The following ALOX5 variants were observed in gnomAD, a reference collection of about 807,000 sequenced individuals.
ALOX5 encodes arachidonate 5-lipoxygenase, also known as polyunsaturated fatty acid 5-lipoxygenase.
In ALOX5, 64 loss-of-function variants were observed where a neutral mutation model predicts 87.9. That is an observed-to-expected ratio of 0.73 (90% CI 0.60 to 0.90). ALOX5 has a LOEUF of 0.90. Among genes scored for constraint, ALOX5 ranks in the 40% least tolerant of loss-of-function variants. The pLI is 0.00. For synonymous variants in ALOX5, 388 were observed against 355.1 expected, an observed-to-expected ratio of 1.09 and a Z score of -1.04; for missense variants, 822 against 907.5, an observed-to-expected ratio of 0.91 and a Z score of 1.21.
At chr10:45,403,558 C>T (rs755080606) in intron 3 of ALOX5, among the ~76,000 whole-genome samples, 1 of 152,100 alleles carries the variant, frequency 6.6e-6, no homozygotes, top group Non-Finnish European at 1.5e-5. Flanking sequence ...GTGTTTTGTA[C>T]ATTTTTCTGC....
chr10:45,388,110 C>T (rs1840066929), intron 2 of ALOX5, among the ~76,000 whole-genome samples: 1 of 152,222 alleles, frequency 6.6e-6, no homozygotes. Flanking sequence ...TTCCAACAGT[C>T]TTAGCAAACA....
rs1178093991 is a variant in ALOX5 at position 45,440,432 on chromosome 10, C to T, written c.984C>T (p.Leu328=). 6.2e-7 allele frequency: 1 copy of T among 1,614,136 alleles called. No individual in the cohort carries two copies. The highest frequency in any genetic ancestry group is 8.5e-7 in the Non-Finnish European group (1 of 1,179,982). The stretch of plus-strand genomic sequence containing the variant: ...TTTCCTTTCCCCCAATGTATCAGCT[C>T]AACCAAATCCCGGGAGATGAGAACC... ...ANKIVPIAIQ[L]NQIPGDENPI... The change falls in exon 8 of 14, where the codon CTC becomes CTT. Residue 328 remains leucine, a splice_region_variant and synonymous_variant. Coordinates refer to ENST00000374391, the MANE Select transcript of ALOX5 (RefSeq NM_000698.5).
intron 2 of ALOX5, among the ~76,000 whole-genome samples, chr10:45,391,987 TGGG>T (rs531423656): frequency 6.9e-6 from 1 of 145,014 alleles, no homozygotes; most frequent in African/African-American, 2.6e-5. Flanking sequence ...GGGAGGGAGG[TGGG>T]GGGCGGTCAG....
At chr10:45,412,018 G>C (rs1841080986) in intron 3 of ALOX5, among the ~76,000 whole-genome samples, 173 bp from the exon 4 acceptor site, 1 of 152,212 alleles carries the variant, frequency 6.6e-6, no homozygotes, top group Non-Finnish European at 1.5e-5. Flanking sequence ...CTGGACTTTG[G>C]AAGAGGTCCC....
chr10:45,394,532 G>C (rs1840426435), intron 2 of ALOX5, among the ~76,000 whole-genome samples: 2 of 152,160 alleles, frequency 1.3e-5, no homozygotes. Flanking sequence ...TACCATTCAG[G>C]ACATAAGCAT....
In ALOX5 at chr10:45,441,367, C is replaced by T. The variant is rs148091491; in HGVS notation, c.1209C>T (p.Phe403=). ...AGCTGCTGGTGGCACACGTGAGATT[C>T]ACCATTGCAATCAACACCAAGGCCC... The part of the protein sequence containing the change: ...IFKLLVAHVR[F]TIAINTKARE... Residue 403 remains phenylalanine, a synonymous_variant, in exon 9 of 14, where the codon TTC becomes TTT. Coordinates refer to ENST00000374391, the MANE Select transcript of ALOX5 (RefSeq NM_000698.5). 3.1e-6 allele frequency: 5 copies of T among 1,613,704 alleles called. No individual in the cohort carries two copies. The African/African-American group carries it at 5.3e-5, about 17-fold the overall frequency.
intron 2 of ALOX5, among the ~76,000 whole-genome samples, chr10:45,386,300 CAAAA>C (rs56924533): frequency 2.4e-3 from 299 of 124,504 alleles, no homozygotes; most frequent in African/African-American, 7.6e-3. Context: ...GACTCTGTCT[CAAAA>C]AAAAAAAAAA....
At chr10:45,424,000 A>G in intron 4 of ALOX5, 41 bp from the exon 5 acceptor site, 1 of 1,502,696 alleles carries the variant, frequency 6.7e-7, no homozygotes, top group Non-Finnish European at 9.3e-7. Flanking sequence ...AGAGGGAGGC[A>G]TGGCTAGTGT....
intron 4 of ALOX5, among the ~76,000 whole-genome samples, chr10:45,422,905 T>C (rs529751343): frequency 6.6e-6 from 1 of 152,326 alleles, no homozygotes; most frequent in South Asian, 2.1e-4. Flanking sequence ...AGCTTGCAGA[T>C]GTCTCTGTGT....
In ALOX5 at chr10:45,425,664, C is replaced by G. The variant is rs923520093; in HGVS notation, c.834+532C>G. Among the ~76,000 whole-genome samples the G allele has an allele frequency of 6.6e-6, 1 of 152,212 alleles. No homozygotes were observed. ...CCTCACCTGCAGACTCAGCTGCCTC[C>G]GGCTGCAAGGCTGACCTAGTCTTGA... On this transcript the variant is annotated intron_variant, in intron 6 of 13. Coordinates refer to ENST00000374391, the MANE Select transcript of ALOX5 (RefSeq NM_000698.5). The surrounding 1 kb of genome is among the most constrained non-coding windows in gnomAD (Gnocchi z 4.4).
intron 7 of ALOX5, among the ~76,000 whole-genome samples, chr10:45,438,421 T>G (rs1842123897): frequency 6.6e-6 from 1 of 152,140 alleles, no homozygotes; most frequent in South Asian, 2.1e-4. Flanking sequence ...AAGTGAGGAT[T>G]AAGTGAGATA....
In ALOX5 at chr10:45,374,416, T is replaced by TCGAGCGTGGCGCGGTGAGCG. The variant is rs754141689; in HGVS notation, c.140_150+9dup. Reference sequence around the variant, plus strand: ...CTGGACAAGCCCTTCTACAACGACTTCGAGCGTGGCGCGGTGAGCGCGGGC... The same window carrying TCGAGCGTGGCGCGGTGAGCG: ...CTGGACAAGCCCTTCTACAACGACTTCGAGCGTGGCGCGGTGAGCGCGAGCGTGGCGCGGTGAGCGCGGGC... On this transcript the variant is annotated frameshift_variant, in exon 1 of 14. Coordinates refer to ENST00000374391, the MANE Select transcript of ALOX5 (RefSeq NM_000698.5). LOFTEE classifies it high-confidence loss of function. 3.2e-6 allele frequency: 5 copies of TCGAGCGTGGCGCGGTGAGCG among 1,556,440 alleles called. No homozygotes were observed. The highest frequency in any genetic ancestry group is 1.4e-5 in the African/African-American group (1 of 69,932).
At chr10:45,444,975 T>C (rs1436565797) in intron 13 of ALOX5, 2 of 154,632 alleles carry the variant, frequency 1.3e-5, no homozygotes, top group Admixed American at 6.5e-5. Flanking sequence ...AGCTTTGTGA[T>C]CTTAATCCAA....
In ALOX5 at chr10:45,443,749, G is replaced by A. The variant is rs1842329298; in HGVS notation, c.1595G>A (p.Ser532Asn). 2 of 1,612,328 alleles carry A rather than the reference G, an allele frequency of 1.2e-6. No homozygotes were observed. Among genetic ancestry groups the A allele is most frequent in the African/African-American group, 2.7e-5 (2 of 74,994 alleles). The change falls in exon 12 of 14, where the codon AGC becomes AAC. Residue 532 changes from serine to asparagine, a missense_variant. Ser to Asn is a conservative substitution (Grantham distance 46). Coordinates refer to ENST00000374391, the MANE Select transcript of ALOX5 (RefSeq NM_000698.5). ...KSSGFPKSVK[S>N]REQLSEYLTV... ...CTAGGCTTCCCCAAGTCGGTCAAGA[G>A]CCGGGAGCAGCTGTCGGAGTACCTG...
chr10:45,417,461 T>G (rs1205774230), intron 4 of ALOX5, among the ~76,000 whole-genome samples: 1 of 152,160 alleles, frequency 6.6e-6, no homozygotes, highest in Non-Finnish European at 1.5e-5. Context: ...ATCTATTTGC[T>G]GAGTCAAGTC....
At chr10:45,390,881 C>G (rs539276835) in intron 2 of ALOX5, among the ~76,000 whole-genome samples, 2 of 152,228 alleles carry the variant, frequency 1.3e-5, no homozygotes, top group South Asian at 4.2e-4. Flanking sequence ...AAAATCCCTT[C>G]AAAAAATCAA....
At chr10:45,430,305 G>A (rs1014894827) in intron 7 of ALOX5, among the ~76,000 whole-genome samples, 1 of 151,942 alleles carries the variant, frequency 6.6e-6, no homozygotes, top group Non-Finnish European at 1.5e-5. Flanking sequence ...TGGAAACTTT[G>A]CAAACTATAA....
At chr10:45,415,234 A>G (rs1374902342) in intron 4 of ALOX5, among the ~76,000 whole-genome samples, 1 of 152,256 alleles carries the variant, frequency 6.6e-6, no homozygotes, top group African/African-American at 2.4e-5. Flanking sequence ...GCACATATGC[A>G]CTATGGAATA....
chr10:45,382,846 T>G (rs908651341), intron 2 of ALOX5, among the ~76,000 whole-genome samples, 165 bp downstream of exon 2: 3 of 152,230 alleles, frequency 2.0e-5, no homozygotes, highest in Non-Finnish European at 4.4e-5. Context: ...ATGACTTTCC[T>G]TGGGATTCTT....
Sources: allele counts gnomAD v4.1 joint callset (sites outside exome capture counted in the v4.1 genomes callset), GRCh38; gene constraint gnomAD v4.1.1; non-coding constraint Gnocchi (gnomAD v3.1); transcripts MANE v1.5; gene names NCBI Gene and HGNC (gene_info 2026-07-23, HGNC 2026-07-21).